Variants in CNOT1 observed in about 807,000 individuals in gnomAD.
CNOT1 encodes CCR4-NOT transcription complex subunit 1, also known as CCR4-associated factor 1.
CNOT1 carries 15 observed loss-of-function variants against 273.8 expected under a neutral mutation model. The observed-to-expected ratio is 0.05, with a 90% confidence interval of 0.04 to 0.08. CNOT1 has a LOEUF of 0.08. Ranked by LOEUF, CNOT1 falls within the 10% of genes least tolerant of loss-of-function variation. The pLI, the probability that CNOT1 is intolerant of heterozygous loss-of-function variation, is 1.00. For synonymous variants in CNOT1, 1,022 were observed against 1,005.5 expected (o/e 1.02, Z -0.31); for missense variants, 1,644 against 2,912.2 (o/e 0.56, Z 10.02).
Position 58,546,515 on chromosome 16 carries a change from T to G in CNOT1, c.3829-17A>C. 2 of 1,604,724 alleles carry G rather than the reference T, an allele frequency of 1.2e-6. No individual in the cohort carries two copies. Among genetic ancestry groups the G allele is most frequent in the South Asian group, 1.1e-5 (1 of 89,110 alleles). ...CAAGTTTAACTGCACAGTTCCAGAG[T>G]TGGATTAGAATTTTTAAAAGAAAAC... On this transcript the variant is annotated splice_polypyrimidine_tract_variant and intron_variant, in intron 28 of 48. Transcript: ENST00000317147.
At chr16:58,604,068 C>A (rs979169477) in intron 1 of CNOT1, among the ~76,000 whole-genome samples, 1 of 151,974 alleles carries the variant, frequency 6.6e-6, no homozygotes, top group East Asian at 1.9e-4. Flanking sequence ...CAAAAAAACA[C>A]GAAAATCCAC....
chr16:58,541,667 A>T, intron 33 of CNOT1, 47 bp from the exon 34 acceptor site: 5 of 1,597,784 alleles, frequency 3.1e-6, no homozygotes, highest in Non-Finnish European at 4.3e-6. Context: ...CAATAATCAA[A>T]ATAAACTGTT....
Position 58,578,767 on chromosome 16 carries a change from G to A in CNOT1, c.1516C>T (p.Leu506=). Residue 506 remains leucine, a synonymous_variant, in exon 13 of 49, where the codon CTG becomes TTG. Coordinates refer to ENST00000317147, the MANE Select transcript of CNOT1 (RefSeq NM_016284.5). ...HTLRHELIST[L]MPIFLGNHPN... ...TGGTTTCCAAGGAAAATTGGCATCAGAGTGGAGATAAGTTCATGGCGCAAG... is the reference window on the plus strand; with the variant it reads ...TGGTTTCCAAGGAAAATTGGCATCAAAGTGGAGATAAGTTCATGGCGCAAG... 6.2e-7 allele frequency: 1 copy of A among 1,614,162 alleles called. No homozygotes were observed. The highest frequency in any genetic ancestry group is 1.1e-5 in the South Asian group (1 of 91,082).
intron 1 of CNOT1, among the ~76,000 whole-genome samples, chr16:58,616,566 G>A (rs1355907224): frequency 6.6e-6 from 1 of 151,964 alleles, no homozygotes; most frequent in Non-Finnish European, 1.5e-5. Context: ...TGGTTTTTTC[G>A]TTTTTTGTTT....
intron 16 of CNOT1, among the ~76,000 whole-genome samples, chr16:58,566,782 C>T (rs1269841043): frequency 3.3e-5 from 5 of 152,084 alleles, no homozygotes; most frequent in African/African-American, 9.7e-5. Context: ...TACAGGCATG[C>T]GCCACCACGC....
Position 58,582,808 on chromosome 16 carries a change from G to A in CNOT1, c.1029C>T (p.Asp343=), listed in dbSNP as rs34485819. Residue 343 remains aspartate (D), a synonymous_variant, in exon 10 of 49, where the codon GAC becomes GAT. Coordinates refer to ENST00000317147, the MANE Select transcript of CNOT1 (RefSeq NM_016284.5). ...ATATACTCACCAGTTCTTTAAGAAC[G>A]TCAATCAAGACTTCTACATTCCATG... is the stretch of plus-strand genomic sequence containing the variant. ...AHTWNVEVLI[D]VLKELNPSLN... 3,196 of 1,467,700 alleles carry A rather than the reference G, an allele frequency of 2.2e-3. 66 individuals are homozygous for A. The African/African-American group carries it at 0.04, about 18-fold the overall frequency. 90.9% of individuals were successfully genotyped at this position (1,467,700 alleles called of 1,614,324 possible).
chr16:58,602,766 T>A (rs988165904), intron 1 of CNOT1, among the ~76,000 whole-genome samples: 21 of 151,646 alleles, frequency 1.4e-4, no homozygotes, highest in African/African-American at 2.4e-4. Context: ...AAAATTTTTT[T>A]AAAAAGAAAA....
intron 17 of CNOT1, among the ~76,000 whole-genome samples, chr16:58,559,336 G>A (rs11076247): frequency 0.39 from 59,317 of 151,950 alleles, 12,967 homozygotes; most frequent in African/African-American, 0.59. Flanking sequence ...ATTTAGTAGT[G>A]ACATGGGACA....
chr16:58,521,124 C>T, intron 48 of CNOT1, 59 bp downstream of exon 48: 3 of 1,613,136 alleles, frequency 1.9e-6, no homozygotes, highest in Admixed American at 1.7e-5. Flanking sequence ...AACCTAGAGA[C>T]AGATGGTTTT....
In CNOT1 at chr16:58,530,266, G is replaced by A. The variant is rs776595116; in HGVS notation, c.6259C>T (p.Pro2087Ser). Residue 2087 changes from proline (P) to serine (S), a missense_variant, in exon 43 of 49, where the codon CCT becomes TCT. By Grantham distance (74) the Pro-to-Ser change is moderately conservative. This residue lies in a region of CNOT1 where 25 missense variants were observed against 31.2 expected (regional missense o/e 0.80). Coordinates refer to ENST00000317147, the MANE Select transcript of CNOT1 (RefSeq NM_016284.5). The part of the protein sequence containing the change: ...PFLRNVELTK[P>S]MQILYKGTLR... Reference sequence around the variant, plus strand: ...ATTACCTTGTAGAGGATTTGCATAGGTTTGGTGAGTTCCACATTTCTAAGG... The same window carrying A: ...ATTACCTTGTAGAGGATTTGCATAGATTTGGTGAGTTCCACATTTCTAAGG... The A allele has an allele frequency of 1.9e-6, 3 of 1,610,608 alleles. No individual in the cohort carries two copies. The highest frequency in any genetic ancestry group is 2.5e-6 in the Non-Finnish European group (3 of 1,177,520).
chr16:58,533,552 C>G (rs562972530), intron 40 of CNOT1, among the ~76,000 whole-genome samples: 1 of 151,972 alleles, frequency 6.6e-6, no homozygotes, highest in African/African-American at 2.4e-5. Flanking sequence ...AGGAGAATGG[C>G]GTGAATCTGG....
intron 34 of CNOT1, 135 bp from the exon 35 acceptor site, chr16:58,540,094 CTTCTT>C (rs2040044089): frequency 2.5e-6 from 2 of 799,454 alleles, no homozygotes; most frequent in African/African-American, 1.7e-5. Flanking sequence ...TGGAGGGCCT[CTTCTT>C]TTCCTTCTTC....
intron 18 of CNOT1, among the ~76,000 whole-genome samples, chr16:58,557,429 A>T (rs1483714871): frequency 6.6e-6 from 1 of 152,098 alleles, no homozygotes; most frequent in Non-Finnish European, 1.5e-5. Flanking sequence ...CAATAATTAG[A>T]GCTTTGCTAG....
intron 39 of CNOT1, among the ~76,000 whole-genome samples, chr16:58,535,446 A>T (rs918995640): frequency 6.6e-6 from 1 of 152,226 alleles, no homozygotes; most frequent in Non-Finnish European, 1.5e-5. Flanking sequence ...ACAGCACAGA[A>T]AAGTATAATA....
At chr16:58,611,692 G>A (rs1371370270) in intron 1 of CNOT1, among the ~76,000 whole-genome samples, 3 of 151,514 alleles carry the variant, frequency 2.0e-5, no homozygotes, top group Non-Finnish European at 4.4e-5. Context: ...GTGGTGGCAG[G>A]CATCTGCAGT....
intron 1 of CNOT1, among the ~76,000 whole-genome samples, chr16:58,606,953 C>T (rs1387296828): frequency 2.0e-5 from 3 of 152,028 alleles, no homozygotes; most frequent in African/African-American, 7.2e-5. Context: ...AAATGGCATT[C>T]GCATTTTCAC....
chr16:58,626,047 G>C (rs2043567229), intron 1 of CNOT1, among the ~76,000 whole-genome samples: 1 of 152,142 alleles, frequency 6.6e-6, no homozygotes, highest in African/African-American at 2.4e-5. Context: ...AGTTTGGTCA[G>C]AGGGTCATTA....
intron 2 of CNOT1, chr16:58,597,728 G>T: frequency 1.9e-6 from 1 of 515,128 alleles, no homozygotes; most frequent in South Asian, 1.4e-5. Context: ...GCACAGGAGG[G>T]TGTGATGGTG....
At chr16:58,600,039 G>A (rs1005747546) in intron 1 of CNOT1, among the ~76,000 whole-genome samples, 1 of 151,786 alleles carries the variant, frequency 6.6e-6, no homozygotes, top group East Asian at 1.9e-4. Flanking sequence ...CTCCAGCTCT[G>A]GGCAACAGAG....
Sources: gnomAD v4.1 joint callset for allele counts (sites outside exome capture counted in the v4.1 genomes callset) on GRCh38, gnomAD v4.1.1 for gene constraint, gnomAD v4.1.1 regional missense constraint, MANE v1.5 for transcripts, NCBI Gene and HGNC (gene_info 2026-07-23, HGNC 2026-07-21) for gene names.